Variants in ADCY7 observed in about 807,000 individuals in gnomAD.
The protein encoded by ADCY7 is adenylate cyclase 7.
A neutral mutation model predicts 120.6 loss-of-function variants in ADCY7; 72 were observed. The ratio of observed to expected loss-of-function variants is 0.60; its 90% CI spans 0.49 to 0.73. ADCY7 has a LOEUF of 0.73. ADCY7 is among the 30% of genes least tolerant of loss of function. The pLI, the probability that ADCY7 is intolerant of heterozygous loss-of-function variation, is 0.00. For synonymous variants in ADCY7, 661 were observed against 628.0 expected (o/e 1.05, Z -0.78); for missense variants, 1,227 against 1,486.0 (o/e 0.83, Z 2.87).
At chr16:50,262,031 G>A (rs16948333), upstream of ADCY7, among the ~76,000 whole-genome samples, 1,032 of 152,294 alleles carry the variant, frequency 6.8e-3, 9 homozygotes, top group African/African-American at 0.023. Context: ...TCGACATCTA[G>A]GTTTGTGTGG....
At chr16:50,295,440 C>A (rs1350069820) in intron 7 of ADCY7, among the ~76,000 whole-genome samples, 1 of 145,132 alleles carries the variant, frequency 6.9e-6, no homozygotes, top group African/African-American at 2.6e-5. Flanking sequence ...AGTGATCATC[C>A]CCTCTTGGCC....
chr16:50,248,489 ACT>A (rs1190319175), intron 1 of ADCY7, among the ~76,000 whole-genome samples: 1 of 152,122 alleles, frequency 6.6e-6, no homozygotes, highest in African/African-American at 2.4e-5. Context: ...GACGCCAAAC[ACT>A]CACACTGCAG....
In ADCY7 at chr16:50,311,805, C is replaced by CT; in HGVS notation, c.2448+19_2448+20insT. 1 of 1,310,752 alleles carries CT rather than the reference C, an allele frequency of 7.6e-7. No homozygotes were observed. The highest frequency in any genetic ancestry group is 3.0e-5 in the East Asian group (1 of 33,514). The allele number at this position is 1,310,752 out of a possible 1,614,324, so 81.2% of individuals were successfully genotyped here. A position where few individuals can be genotyped will look rare whatever the true frequency, so the allele number is the denominator to read the frequency against. ...CAGACAGGTAAGGAGGCTGGCCCCC[C>CT]CCCCCCCCCCAAGCTCTGCCCACTT... On this transcript the variant is annotated intron_variant, in intron 20 of 25. Transcript: ENST00000673801.
intron 10 of ADCY7, among the ~76,000 whole-genome samples, chr16:50,303,932 G>A (rs759975966): frequency 3.3e-5 from 5 of 152,116 alleles, no homozygotes; most frequent in Non-Finnish European, 5.9e-5. Flanking sequence ...TTTCCCAGGC[G>A]CCTCCTGGGG....
At chr16:50,301,239 TG>T (rs35262781) in intron 10 of ADCY7, 25 bp downstream of exon 10, 474,078 of 1,557,620 alleles carry the variant, frequency 0.3, 73,303 homozygotes, top group African/African-American at 0.34. Flanking sequence ...AGGCCGCAGC[TG>T]GGGGGGACCC....
At chr16:50,289,154 C>A in intron 2 of ADCY7, 1 of 307,744 alleles carries the variant, frequency 3.2e-6, no homozygotes. Context: ...CCCTACATTC[C>A]ACACTGAGCC....
Position 50,270,388 on chromosome 16 carries a change from G to A in ADCY7, c.-269+3708G>A, listed in dbSNP as rs529930847. 5.4e-4 allele frequency among the ~76,000 whole-genome samples: 83 copies of A among 152,310 alleles called. No individual in the cohort carries two copies. In the Middle Eastern group the frequency reaches 0.014, roughly 25 times the overall value. ...GAACTGGACTGTGCTCTGGTCCGGC[G>A]GCACGGGTTCCAGCTCTGTTCTGCC... On this transcript the variant is annotated intron_variant, in intron 1 of 25. Transcript: ENST00000673801.
At chr16:50,308,485 G>C in intron 16 of ADCY7, 74 bp downstream of exon 16, 1 of 1,600,154 alleles carries the variant, frequency 6.2e-7, no homozygotes, top group South Asian at 1.1e-5. Context: ...CCTCCCTGGT[G>C]AGCTTGGCTG....
intron 1 of ADCY7, among the ~76,000 whole-genome samples, chr16:50,246,718 A>AGG (rs550768626): frequency 1.1e-3 from 171 of 152,314 alleles, no homozygotes; most frequent in African/African-American, 4.0e-3. Context: ...ACCAGGGTCC[A>AGG]GGGGAGAGTG....
chr16:50,308,452 C>T (rs373798414), intron 16 of ADCY7, 41 bp downstream of exon 16: 6 of 1,611,894 alleles, frequency 3.7e-6, no homozygotes, highest in Non-Finnish European at 5.1e-6. Context: ...TCCCTCCCTG[C>T]CTCAGGACAC....
At chr16:50,284,466 G>C (rs1457332789) in intron 1 of ADCY7, among the ~76,000 whole-genome samples, 2 of 152,238 alleles carry the variant, frequency 1.3e-5, no homozygotes, top group Non-Finnish European at 2.9e-5. Context: ...CCTGGAGCGG[G>C]TGTGTCCACA....
upstream of ADCY7, among the ~76,000 whole-genome samples, chr16:50,263,341 G>A (rs1048776447): frequency 3.3e-5 from 5 of 152,104 alleles, no homozygotes; most frequent in African/African-American, 9.7e-5. Flanking sequence ...TGGTGGCTGC[G>A]GCTGCGGGGA....
intron 21 of ADCY7, among the ~76,000 whole-genome samples, chr16:50,312,454 C>T (rs1414813254): frequency 6.6e-6 from 1 of 152,176 alleles, no homozygotes; most frequent in East Asian, 1.9e-4. Context: ...GGCTGACAGC[C>T]CTTCCCCACA....
rs1452912877 is a variant in ADCY7 at position 50,315,497 on chromosome 16, C to A, written c.3235C>A (p.Leu1079Met). The A allele has an allele frequency of 2.5e-6, 4 of 1,611,548 alleles. No individual in the cohort carries two copies. Among genetic ancestry groups the A allele is most frequent in the Non-Finnish European group, 3.4e-6 (4 of 1,177,828 alleles). ...TDTAKFQGLG[L>M]N is the part of the protein sequence containing the mutation. ...CACTGCCAAGTTTCAGGGGCTGGGG[C>A]TGAACTGAGGGCTCCTGCTGGATTC... The change falls in exon 26 of 26, where the codon CTG (leucine) becomes ATG (methionine). Residue 1079 changes from leucine to methionine, a missense_variant. Physicochemically the swap from Leu to Met is conservative, Grantham distance 15. Coordinates refer to ENST00000673801, the MANE Select transcript of ADCY7 (RefSeq NM_001114.5).
At chr16:50,263,401 G>A (rs575377857), upstream of ADCY7, among the ~76,000 whole-genome samples, 2 of 152,212 alleles carry the variant, frequency 1.3e-5, no homozygotes, top group South Asian at 2.1e-4. Flanking sequence ...GAGACTCACC[G>A]CCACATCTTC....
At chr16:50,280,976 T>C (rs1878240333) in intron 1 of ADCY7, among the ~76,000 whole-genome samples, 1 of 151,410 alleles carries the variant, frequency 6.6e-6, no homozygotes, top group African/African-American at 2.4e-5. Context: ...GCTTGGGGGC[T>C]ATGGAGGGGG....
At chr16:50,299,055 C>T (rs757297027) in intron 8 of ADCY7, 24 bp downstream of exon 8, 35 of 1,596,878 alleles carry the variant, frequency 2.2e-5, no homozygotes, top group Non-Finnish European at 2.6e-5. Flanking sequence ...GGGCCCAGGC[C>T]CTGGGTCCTG....
chr16:50,263,059 G>A (rs1262888600), upstream of ADCY7, among the ~76,000 whole-genome samples: 1 of 152,222 alleles, frequency 6.6e-6, no homozygotes, highest in Non-Finnish European at 1.5e-5. Context: ...GTGAAGTCAG[G>A]TAGATCTGAG....
chr16:50,261,240 A>G (rs1567529685), intron 1 of ADCY7, among the ~76,000 whole-genome samples: 1 of 152,164 alleles, frequency 6.6e-6, no homozygotes, highest in African/African-American at 2.4e-5. Context: ...GGTCTATGGC[A>G]TTGTGGCCTA....
Sources: gnomAD v4.1 joint callset for allele counts (sites outside exome capture counted in the v4.1 genomes callset) on GRCh38, gnomAD v4.1.1 for gene constraint, MANE v1.5 for transcripts, NCBI Gene and HGNC (gene_info 2026-07-23, HGNC 2026-07-21) for gene names.